Variants in ZHX2 observed in about 807,000 individuals in gnomAD.
ZHX2 encodes the protein zinc fingers and homeoboxes 2.
In ZHX2, 6 loss-of-function variants were observed where a neutral mutation model predicts 21.9. The ratio of observed to expected loss-of-function variants is 0.27; its 90% confidence interval spans 0.15 to 0.54. The LOEUF (loss-of-function observed/expected upper bound fraction) is 0.54. Ranked by LOEUF, ZHX2 falls within the 20% of genes least tolerant of loss-of-function variation. ZHX2 has a pLI of 0.95. For missense variants in ZHX2, 908 were observed against 1,090.7 expected, an observed-to-expected ratio of 0.83 and a Z score of 2.36; for synonymous variants, 434 against 437.1, an observed-to-expected ratio of 0.99 and a Z score of 0.09.
Position 122,833,494 on chromosome 8 carries a change from A to G in ZHX2, c.-282-29983A>G, listed in dbSNP as rs1818423910. Among the ~76,000 whole-genome samples, 4 of 152,162 alleles carry G rather than the reference A, an allele frequency of 2.6e-5. 1 individual carries two copies. In the South Asian group the frequency reaches 8.3e-4, roughly 31 times the overall value. ...GTGACTGAAGGTGTGGAAGTATCCT[A>G]AACTGCGGAGTTAACTACGGGCGGC... On this transcript the variant is annotated intron_variant, in intron 1 of 3. Coordinates refer to ENST00000314393, the MANE Select transcript of ZHX2 (RefSeq NM_014943.5).
chr8:122,868,388 C>T (rs1290895484), intron 2 of ZHX2, among the ~76,000 whole-genome samples: 3 of 152,116 alleles, frequency 2.0e-5, no homozygotes, highest in Non-Finnish European at 4.4e-5. Context: ...AGGCTCACAC[C>T]TATAATCTCA....
chr8:122,931,404 A>T (rs116090257), intron 2 of ZHX2, among the ~76,000 whole-genome samples: 1 of 151,544 alleles, frequency 6.6e-6, no homozygotes, highest in South Asian at 2.1e-4. Context: ...GGACGGAAAG[A>T]AGAGAGAGAG....
At chr8:122,897,248 G>A (rs1210607831) in intron 2 of ZHX2, among the ~76,000 whole-genome samples, 2 of 152,194 alleles carry the variant, frequency 1.3e-5, no homozygotes, top group Non-Finnish European at 2.9e-5. Flanking sequence ...TAACCTCACT[G>A]TGCCTCAGTT....
chr8:122,853,791 C>G (rs1420417056), intron 1 of ZHX2, among the ~76,000 whole-genome samples: 1 of 152,130 alleles, frequency 6.6e-6, no homozygotes, highest in Non-Finnish European at 1.5e-5. Context: ...CCACTGTCAC[C>G]CCTCCCAGGG....
At chr8:122,851,063 CAT>C (rs1296866369) in intron 1 of ZHX2, among the ~76,000 whole-genome samples, 4 of 152,288 alleles carry the variant, frequency 2.6e-5, no homozygotes, top group African/African-American at 9.6e-5. Flanking sequence ...TAGCTGCTCA[CAT>C]GTTTCGCATG....
intron 2 of ZHX2, among the ~76,000 whole-genome samples, chr8:122,934,881 T>C (rs1203947036): frequency 6.6e-6 from 1 of 152,052 alleles, no homozygotes; most frequent in Non-Finnish European, 1.5e-5. Flanking sequence ...AGAGATGAGG[T>C]TTCAGCACAT....
rs946028661 is a variant in ZHX2, at chr8:122,974,483, A to G, written c.*1246A>G. 3 of 152,234 alleles carry G rather than the reference A, an allele frequency of 2.0e-5. No homozygotes were observed. The highest frequency in any genetic ancestry group is 4.8e-5 in the African/African-American group (2 of 41,440). 9.4% of individuals were successfully genotyped at this position (152,234 alleles called of 1,614,324 possible). ...CTTGTTGCTCATTTGTTGTAACTCA[A>G]TAAAGCAAAGACTAAACATTTTTAT... On this transcript the variant is annotated 3_prime_UTR_variant, in exon 4 of 4. Coordinates refer to ENST00000314393, the MANE Select transcript of ZHX2 (RefSeq NM_014943.5).
At chr8:122,827,364 G>C (rs1047454876) in intron 1 of ZHX2, among the ~76,000 whole-genome samples, 2 of 151,966 alleles carry the variant, frequency 1.3e-5, no homozygotes, top group Non-Finnish European at 2.9e-5. Flanking sequence ...TAACTACCGA[G>C]GATTGTTATT....
At chr8:122,905,052 T>A (rs1366428655) in intron 2 of ZHX2, among the ~76,000 whole-genome samples, 1 of 152,118 alleles carries the variant, frequency 6.6e-6, no homozygotes, top group Non-Finnish European at 1.5e-5. Flanking sequence ...GAGGAAAGAA[T>A]CAGTGAACTT....
chr8:122,948,534 C>T (rs753958223), intron 2 of ZHX2, among the ~76,000 whole-genome samples: 2 of 151,870 alleles, frequency 1.3e-5, no homozygotes, highest in South Asian at 4.1e-4. Context: ...AACTGTTTTG[C>T]GAAAAGAAAG....
chr8:122,905,427 A>G (rs1040113330), intron 2 of ZHX2, among the ~76,000 whole-genome samples: 2 of 152,236 alleles, frequency 1.3e-5, no homozygotes, highest in African/African-American at 4.8e-5. Context: ...ATCAAAAACT[A>G]TATTTCAGGA....
chr8:122,870,982 T>A (rs1001015103), intron 2 of ZHX2, among the ~76,000 whole-genome samples: 7 of 151,554 alleles, frequency 4.6e-5, no homozygotes, highest in Non-Finnish European at 8.9e-5. Context: ...AAGTGGCAGG[T>A]GGTGTTGAAG....
intron 2 of ZHX2, among the ~76,000 whole-genome samples, chr8:122,921,207 G>T (rs1820729967): frequency 6.6e-6 from 1 of 152,086 alleles, no homozygotes; most frequent in Non-Finnish European, 1.5e-5. Flanking sequence ...TCAGCCTCCT[G>T]AGTAGATGAG....
rs542438390 is a variant in ZHX2 at position 122,963,220 on chromosome 8, T to G, written c.*4+9192T>G. Among the ~76,000 whole-genome samples, 3 of 152,300 alleles carry G rather than the reference T, an allele frequency of 2.0e-5. No homozygotes were observed. The South Asian group carries it at 6.2e-4, about 32-fold the overall frequency. On this transcript the variant is annotated intron_variant, in intron 3 of 3. Transcript: ENST00000314393. ...CTAGGCCAATGTCTAGAAGAGTTTT[T>G]CTGATGTTATCTTGGAGAATTTTTA...
At chr8:122,870,400 G>A (rs1819401802) in intron 2 of ZHX2, among the ~76,000 whole-genome samples, 1 of 151,738 alleles carries the variant, frequency 6.6e-6, no homozygotes, top group Non-Finnish European at 1.5e-5. Flanking sequence ...GAGGCCAAGG[G>A]GGGTGGATCA....
intron 1 of ZHX2, among the ~76,000 whole-genome samples, chr8:122,824,029 C>G (rs1563743206): frequency 6.6e-6 from 1 of 151,512 alleles, no homozygotes; most frequent in Non-Finnish European, 1.5e-5. Flanking sequence ...ACCCTCAGAA[C>G]TCCTCCATAT....
chr8:122,810,553 G>A (rs1291229970), intron 1 of ZHX2: 1 of 152,240 alleles, frequency 6.6e-6, no homozygotes, highest in Non-Finnish European at 1.5e-5. Flanking sequence ...ACGCGGCCCT[G>A]AGGTGTCACG....
At chr8:122,795,053 A>C (rs1280165052) in intron 1 of ZHX2, among the ~76,000 whole-genome samples, 1 of 152,208 alleles carries the variant, frequency 6.6e-6, no homozygotes, top group Non-Finnish European at 1.5e-5. Flanking sequence ...CCGTGTTCCC[A>C]GCACCAGCAC....
chr8:122,919,649 C>T (rs1820689040), intron 2 of ZHX2, among the ~76,000 whole-genome samples: 2 of 152,316 alleles, frequency 1.3e-5, no homozygotes, highest in South Asian at 4.1e-4. Context: ...ACTTCTGCAT[C>T]TATTGTCTCA....
Sources: gnomAD v4.1 joint callset for allele counts (sites outside exome capture counted in the v4.1 genomes callset) on GRCh38, gnomAD v4.1.1 for gene constraint, MANE v1.5 for transcripts, NCBI Gene and HGNC (gene_info 2026-07-23, HGNC 2026-07-21) for gene names.